TFEC: variants seen among roughly 807,000 people sequenced by gnomAD.
The protein encoded by TFEC is class E basic helix-loop-helix protein 34.
TFEC carries 31 observed loss-of-function variants against 41.6 expected under a neutral mutation model. The ratio of observed to expected loss-of-function variants is 0.74; its 90% CI spans 0.56 to 1.01. The LOEUF is 1.01. Ranked by LOEUF, TFEC falls within the 50% of genes least tolerant of loss-of-function variation. The probability of loss-of-function intolerance (pLI) is 0.00; values close to 1 mark genes in which losing one functional copy is unlikely to be tolerated. For missense variants in TFEC, 402 were observed against 404.1 expected (o/e 0.99, Z 0.04); for synonymous variants, 143 against 140.6 (o/e 1.02, Z -0.12).
At chr7:115,969,070 C>T (rs1185605135) in intron 3 of TFEC, among the ~76,000 whole-genome samples, 1 of 151,406 alleles carries the variant, frequency 6.6e-6, no homozygotes, top group Non-Finnish European at 1.5e-5. Context: ...ATAAAGTATT[C>T]CTGAATAGGA....
chr7:116,159,734 A>T (rs766247580), intron 1 of TFEC: 1 of 152,146 alleles, frequency 6.6e-6, no homozygotes, highest in Non-Finnish European at 1.5e-5. Context: ...AAAGCCCAAA[A>T]TACGAGTGAT....
chr7:116,043,344 T>G (rs36121880), intron 3 of TFEC, among the ~76,000 whole-genome samples: 20,620 of 152,036 alleles, frequency 0.14, 1,864 homozygotes, highest in Non-Finnish European at 0.2. Context: ...TAATAATAGA[T>G]GCCTCACACT....
chr7:116,056,144 A>AC, intron 3 of TFEC, among the ~76,000 whole-genome samples: 1 of 152,212 alleles, frequency 6.6e-6, no homozygotes. Context: ...AAGAGACTAG[A>AC]CATCATCAAC....
chr7:116,093,058 T>C (rs1291455620), intron 3 of TFEC, among the ~76,000 whole-genome samples: 2 of 152,192 alleles, frequency 1.3e-5, no homozygotes, highest in African/African-American at 4.8e-5. Flanking sequence ...GTTTCATTTA[T>C]CCAACCAATT....
chr7:116,034,005 G>A (rs1160869316), upstream of TFEC, among the ~76,000 whole-genome samples: 8 of 152,090 alleles, frequency 5.3e-5, no homozygotes, highest in African/African-American at 1.4e-4. Context: ...CCTCTGTCTT[G>A]CCAATCAAAT....
chr7:116,018,623 T>G (rs367962897), intron 1 of TFEC, among the ~76,000 whole-genome samples: 1 of 152,324 alleles, frequency 6.6e-6, no homozygotes, highest in East Asian at 1.9e-4. Flanking sequence ...AAGGACATTT[T>G]AGATTTCTGG....
chr7:116,078,010 T>C (rs545298171), intron 3 of TFEC, among the ~76,000 whole-genome samples: 27 of 152,086 alleles, frequency 1.8e-4, no homozygotes, highest in Admixed American at 7.2e-4. Flanking sequence ...TTCTCCAAGA[T>C]AGATCATATG....
At chr7:116,090,987 G>A (rs1370229195) in intron 3 of TFEC, among the ~76,000 whole-genome samples, 4 of 151,924 alleles carry the variant, frequency 2.6e-5, no homozygotes, top group African/African-American at 9.7e-5. Flanking sequence ...CAAGGGGAGG[G>A]ATAGCATCAG....
chr7:116,012,450 T>C (rs1207934824), intron 1 of TFEC, among the ~76,000 whole-genome samples: 2 of 152,132 alleles, frequency 1.3e-5, no homozygotes, highest in Non-Finnish European at 2.9e-5. Context: ...GAATGTTCTT[T>C]CAAGGATGCA....
chr7:115,982,098 C>T (rs1793655828), intron 2 of TFEC, among the ~76,000 whole-genome samples: 1 of 152,000 alleles, frequency 6.6e-6, no homozygotes, highest in Admixed American at 6.6e-5. Flanking sequence ...ATTACCAAAT[C>T]CTGAATCTAA....
chr7:115,989,210 T>A (rs1220417414), intron 1 of TFEC, among the ~76,000 whole-genome samples: 1 of 152,154 alleles, frequency 6.6e-6, no homozygotes, highest in Non-Finnish European at 1.5e-5. Context: ...TAAAATAAAA[T>A]TGCTTATTTT....
At chr7:116,005,212 C>G (rs775803893) in intron 1 of TFEC, among the ~76,000 whole-genome samples, 4 of 152,044 alleles carry the variant, frequency 2.6e-5, no homozygotes, top group African/African-American at 9.7e-5. Context: ...TGAAAAGATA[C>G]CCAAAAATGT....
chr7:115,985,044 A>G (rs1194771234), intron 1 of TFEC, among the ~76,000 whole-genome samples: 2 of 151,970 alleles, frequency 1.3e-5, no homozygotes, highest in Non-Finnish European at 2.9e-5. Context: ...ATTTTTTTCT[A>G]CTTTTCTGTA....
At chr7:116,041,822 G>A (rs910699714) in intron 3 of TFEC, among the ~76,000 whole-genome samples, 7 of 152,086 alleles carry the variant, frequency 4.6e-5, no homozygotes, top group African/African-American at 1.4e-4. Context: ...ACGCACAGAC[G>A]CATGCACACA....
chr7:116,004,476 A>G (rs1363884706), intron 1 of TFEC, among the ~76,000 whole-genome samples: 1 of 152,176 alleles, frequency 6.6e-6, no homozygotes, highest in Non-Finnish European at 1.5e-5. Flanking sequence ...GTGTCAATGT[A>G]GGTTCGTCAA....
chr7:115,948,053 G>A (rs1193446074), intron 6 of TFEC, among the ~76,000 whole-genome samples: 3 of 152,126 alleles, frequency 2.0e-5, no homozygotes, highest in African/African-American at 7.2e-5. Context: ...ACTACCATCA[G>A]AGAATATTAC....
intron 3 of TFEC, among the ~76,000 whole-genome samples, chr7:116,041,289 A>C (rs1796031779): frequency 6.6e-6 from 1 of 152,132 alleles, no homozygotes; most frequent in African/African-American, 2.4e-5. Context: ...AGCATTAAAA[A>C]AAAAGAAAAA....
chr7:116,120,559 C>T (rs1380094911), intron 1 of TFEC: 4 of 151,986 alleles, frequency 2.6e-5, no homozygotes, highest in South Asian at 2.1e-4. Context: ...TCCTTACAGT[C>T]TGTGATAGAG....
At chr7:116,150,904 G>A (rs917946027) in intron 1 of TFEC, among the ~76,000 whole-genome samples, 1 of 152,068 alleles carries the variant, frequency 6.6e-6, no homozygotes, top group African/African-American at 2.4e-5. Flanking sequence ...CGGAATCAAA[G>A]TGCTAAACAT....
Sources: gnomAD v4.1 joint callset for allele counts (sites outside exome capture counted in the v4.1 genomes callset) on GRCh38, gnomAD v4.1.1 for gene constraint, MANE v1.5 for transcripts, NCBI Gene and HGNC (gene_info 2026-07-23, HGNC 2026-07-21) for gene names.